Variants in AAGAB observed in about 807,000 individuals in gnomAD.
AAGAB encodes the protein alpha and gamma adaptin binding protein, also known as alpha- and gamma-adaptin-binding protein p34.
AAGAB carries 38 observed loss-of-function variants against 44.1 expected under a neutral mutation model. The observed-to-expected ratio is 0.86, with a 90% CI of 0.67 to 1.13. The LOEUF is 1.13. Ranked by LOEUF, AAGAB falls within the 50% of genes most tolerant of loss-of-function variation. The probability of loss-of-function intolerance (pLI) is 0.00; values close to 1 mark genes in which losing one functional copy is unlikely to be tolerated. For synonymous variants in AAGAB, 131 were observed against 131.8 expected (o/e 0.99, Z 0.04); for missense variants, 450 against 373.8 (o/e 1.20, Z -1.68).
At chr15:67,252,559 T>C (rs1317927319) in intron 1 of AAGAB, among the ~76,000 whole-genome samples, 1 of 152,190 alleles carries the variant, frequency 6.6e-6, no homozygotes, top group African/African-American at 2.4e-5. Context: ...TATTTGTAGT[T>C]GGGTAATGAG....
chr15:67,240,463 T>G (rs1447348386), intron 1 of AAGAB, among the ~76,000 whole-genome samples: 1 of 152,224 alleles, frequency 6.6e-6, no homozygotes, highest in African/African-American at 2.4e-5. Flanking sequence ...TAATACATCA[T>G]TTTTTAAGAG....
chr15:67,239,814 T>C (rs990110733), intron 1 of AAGAB, among the ~76,000 whole-genome samples: 2 of 152,234 alleles, frequency 1.3e-5, no homozygotes, highest in Admixed American at 1.3e-4. Flanking sequence ...TCTATTTGAT[T>C]TTCAAATGCT....
At chr15:67,245,009 T>G (rs1221500413) in intron 1 of AAGAB, among the ~76,000 whole-genome samples, 1 of 152,110 alleles carries the variant, frequency 6.6e-6, no homozygotes, top group East Asian at 1.9e-4. Flanking sequence ...CAATAACAAG[T>G]ATTGTTATTG....
chr15:67,236,071 A>C lies in AAGAB; in HGVS notation c.362-3T>G. On this transcript the variant is annotated splice_region_variant and splice_polypyrimidine_tract_variant and intron_variant, in intron 3 of 9. Coordinates refer to ENST00000261880, the MANE Select transcript of AAGAB (RefSeq NM_024666.5). ...TTGAGCTTTTTGTCGGTTTATACCTAAAATAATATGCAAAAGAATCTTCAT... is the reference window on the plus strand; with the variant it reads ...TTGAGCTTTTTGTCGGTTTATACCTCAAATAATATGCAAAAGAATCTTCAT... 1 of 1,594,022 alleles carries C rather than the reference A, an allele frequency of 6.3e-7. No individual in the cohort carries two copies. The highest frequency in any genetic ancestry group is 8.6e-7 in the Non-Finnish European group (1 of 1,165,358).
At chr15:67,245,030 C>T (rs984589338) in intron 1 of AAGAB, among the ~76,000 whole-genome samples, 4 of 151,964 alleles carry the variant, frequency 2.6e-5, no homozygotes, top group South Asian at 2.1e-4. Flanking sequence ...TCCAAAGATA[C>T]GGAGAAATTA....
intron 1 of AAGAB, among the ~76,000 whole-genome samples, chr15:67,249,919 G>T (rs1964822427): frequency 6.6e-6 from 1 of 152,174 alleles, no homozygotes; most frequent in Non-Finnish European, 1.5e-5. Context: ...GAAGAGTACA[G>T]ATATACATAT....
intron 5 of AAGAB, among the ~76,000 whole-genome samples, chr15:67,230,606 C>T (rs771357255): frequency 1.3e-5 from 2 of 152,212 alleles, no homozygotes; most frequent in African/African-American, 4.8e-5. Flanking sequence ...TGATTTTGGA[C>T]TTCTGGCTTT....
intron 5 of AAGAB, among the ~76,000 whole-genome samples, chr15:67,210,619 T>C (rs999100177): frequency 6.6e-6 from 1 of 152,092 alleles, no homozygotes; most frequent in African/African-American, 2.4e-5. Flanking sequence ...GGAGGACAAA[T>C]CTGGAGCAAA....
intron 3 of AAGAB, 127 bp downstream of exon 3, chr15:67,236,281 G>T: frequency 9.8e-7 from 1 of 1,016,612 alleles, no homozygotes; most frequent in Non-Finnish European, 1.4e-6. Context: ...AAAAATAGCT[G>T]AAAATATTTT....
chr15:67,237,584 G>A (rs185347563), intron 1 of AAGAB, among the ~76,000 whole-genome samples: 71 of 152,218 alleles, frequency 4.7e-4, no homozygotes, highest in Admixed American at 4.1e-3. Context: ...ATATAGACAT[G>A]GTTATGGAGC....
intron 1 of AAGAB, among the ~76,000 whole-genome samples, chr15:67,237,023 T>C (rs946677846): frequency 6.6e-5 from 10 of 152,142 alleles, no homozygotes; most frequent in Admixed American, 3.3e-4. Flanking sequence ...ATTTAAGTCA[T>C]TGACATTTTC....
At chr15:67,230,841 A>C (rs1049162949) in intron 5 of AAGAB, among the ~76,000 whole-genome samples, 1 of 152,056 alleles carries the variant, frequency 6.6e-6, no homozygotes, top group Non-Finnish European at 1.5e-5. Context: ...GGTCTCCCTT[A>C]ACTTCAGACT....
At chr15:67,221,097 A>G (rs1473138706) in intron 5 of AAGAB, 1 of 152,162 alleles carries the variant, frequency 6.6e-6, no homozygotes, top group Non-Finnish European at 1.5e-5. Flanking sequence ...ACACTTATTT[A>G]TTATATTAGA....
intron 1 of AAGAB, chr15:67,242,999 T>G (rs1197234807): frequency 6.6e-6 from 1 of 152,202 alleles, no homozygotes; most frequent in Admixed American, 6.5e-5. Context: ...CACATGCTCG[T>G]AAGCTTTTTA....
At chr15:67,208,490 C>T in intron 7 of AAGAB, 72 bp downstream of exon 7, 1 of 1,375,014 alleles carries the variant, frequency 7.3e-7, no homozygotes, top group Non-Finnish European at 1.0e-6. Flanking sequence ...ATTTCCCCCT[C>T]AACAATTTCT....
At chr15:67,216,436 A>G in intron 5 of AAGAB, among the ~76,000 whole-genome samples, 1 of 91,706 alleles carries the variant, frequency 1.1e-5, no homozygotes, top group Non-Finnish European at 2.0e-5. Flanking sequence ...AGCAAGACTC[A>G]CTCTTGAAAA....
chr15:67,215,391 C>T (rs902254663), intron 5 of AAGAB, among the ~76,000 whole-genome samples: 1 of 152,146 alleles, frequency 6.6e-6, no homozygotes, highest in African/African-American at 2.4e-5. Flanking sequence ...TTATATACGA[C>T]TCAAATATTA....
At position 67,236,703 on chromosome 15, in the gene AAGAB, G is replaced by C. The variant is rs772802031; in HGVS notation, c.191C>G (p.Pro64Arg). 4 of 1,613,954 alleles carry C rather than the reference G, an allele frequency of 2.5e-6. No individual in the cohort carries two copies. Among genetic ancestry groups the C allele is most frequent in the Non-Finnish European group, 3.4e-6 (4 of 1,179,922 alleles). Residue 64 changes from proline (P) to arginine (R), a missense_variant, in exon 2 of 10, where the codon CCA (proline) becomes CGA (arginine). By Grantham distance (103) the Pro-to-Arg change is moderately radical. Transcript: ENST00000261880. ...CTCTGCAGTAACAAGAAATTTGTTT[G>C]GCACCACACATAGATTGATGTCTGC... Reference protein sequence around the residue: ...YSADINLCVVPNKFLVTAEIA... With the variant: ...YSADINLCVVRNKFLVTAEIA...
chr15:67,240,093 G>C (rs561472152), intron 1 of AAGAB, among the ~76,000 whole-genome samples: 23 of 152,256 alleles, frequency 1.5e-4, no homozygotes, highest in Non-Finnish European at 2.8e-4. Flanking sequence ...GCCAAAACTA[G>C]TCTATAGACC....
Sources: gnomAD v4.1 joint callset for allele counts (sites outside exome capture counted in the v4.1 genomes callset) on GRCh38, gnomAD v4.1.1 for gene constraint, MANE v1.5 for transcripts, NCBI Gene and HGNC (gene_info 2026-07-23, HGNC 2026-07-21) for gene names.